GFM1: variants seen among roughly 807,000 people sequenced by gnomAD.
GFM1 encodes elongation factor G, mitochondrial.
Under a neutral mutation model 96.2 loss-of-function variants are expected in GFM1, and 62 were observed. That is an observed-to-expected ratio of 0.64 (90% CI 0.53 to 0.80). GFM1 has a LOEUF of 0.80. Among genes scored for constraint, GFM1 ranks in the 30% least tolerant of loss-of-function variants. The pLI, the probability that GFM1 is intolerant of heterozygous loss-of-function variation, is 0.00. For synonymous variants in GFM1, 282 were observed against 312.9 expected, an observed-to-expected ratio of 0.90 and a Z score of 1.04; for missense variants, 852 against 916.6, an observed-to-expected ratio of 0.93 and a Z score of 0.91.
intron 8 of GFM1, 127 bp downstream of exon 8, chr3:158,654,758 G>A (rs917892110): frequency 5.6e-6 from 4 of 709,168 alleles, no homozygotes; most frequent in Non-Finnish European, 1.0e-5. Flanking sequence ...GAAAGAGCAG[G>A]TAGAGAATTT....
chr3:158,691,594 T>G lies in GFM1; in HGVS notation c.*127T>G, dbSNP rs1726328149. ...CTGAGCCCAGGAAGCGGGCTCTTCT[T>G]TCTTCAAAAGAAGCCCTTCTTGTTC... On this transcript the variant is annotated 3_prime_UTR_variant, in exon 18 of 18. Transcript: ENST00000486715. 4 of 1,023,548 alleles carry G rather than the reference T, an allele frequency of 3.9e-6. No homozygotes were observed. Among genetic ancestry groups the G allele is most frequent in the Non-Finnish European group, 3.0e-6 (2 of 667,184 alleles). The allele number at this position is 1,023,548 out of a possible 1,614,324, so 63.4% of individuals were successfully genotyped here. A position where few individuals can be genotyped will look rare whatever the true frequency, so the allele number is the denominator to read the frequency against.
intron 10 of GFM1, among the ~76,000 whole-genome samples, chr3:158,661,921 C>A (rs952312265): frequency 1.3e-4 from 20 of 152,042 alleles, no homozygotes; most frequent in African/African-American, 4.6e-4. Flanking sequence ...AAACATAAAT[C>A]TATACAATTT....
chr3:158,657,711 A>C (rs1298495173), intron 8 of GFM1, among the ~76,000 whole-genome samples: 8 of 152,106 alleles, frequency 5.3e-5, no homozygotes, highest in Non-Finnish European at 1.2e-4. Context: ...GGTAGGATCT[A>C]AATGTATCTC....
At chr3:158,660,501 GC>G (rs1267389117) in intron 9 of GFM1, 1 of 245,298 alleles carries the variant, frequency 4.1e-6, no homozygotes, top group Non-Finnish European at 8.0e-6. Context: ...ACTCGCCTCG[GC>G]CTCCCAAAGT....
chr3:158,680,405 T>C (rs1433974839), intron 13 of GFM1, among the ~76,000 whole-genome samples: 6 of 152,222 alleles, frequency 3.9e-5, no homozygotes, highest in Non-Finnish European at 7.4e-5. Context: ...TCAGCATTTC[T>C]ATTTAGCTGC....
Position 158,694,935 on chromosome 3 carries a change from G to A in GFM1, c.*3468G>A, listed in dbSNP as rs1397147489. 6.6e-6 allele frequency among the ~76,000 whole-genome samples: 1 copy of A among 152,220 alleles called. No individual in the cohort carries two copies. The highest frequency in any genetic ancestry group is 1.9e-4 in the East Asian group (1 of 5,202). Reference sequence around the variant, plus strand: ...TGTATGTAATTGTAATTAGCTAAGAGTGATTCAGAATAATTTAGACTGTTA... The same window carrying A: ...TGTATGTAATTGTAATTAGCTAAGAATGATTCAGAATAATTTAGACTGTTA... On this transcript the variant is annotated 3_prime_UTR_variant, in exon 18 of 18. Coordinates refer to ENST00000486715, the MANE Select transcript of GFM1 (RefSeq NM_024996.7).
chr3:158,670,819 G>A, intron 13 of GFM1: 1 of 1,231,004 alleles, frequency 8.1e-7, no homozygotes, highest in Admixed American at 4.6e-5. Flanking sequence ...TGTGGTCCCA[G>A]CTATTTGGGG....
intron 15 of GFM1, among the ~76,000 whole-genome samples, chr3:158,688,093 A>G (rs960397683): frequency 4.6e-5 from 7 of 152,156 alleles, no homozygotes; most frequent in African/African-American, 1.4e-4. Context: ...TGGAAGAACA[A>G]TAGTTCAAAT....
rs563082881 is a variant in GFM1, at chr3:158,672,414, T to C, written c.1601+6028T>C. The stretch of plus-strand genomic sequence containing the variant: ...CCTGTGCGGGGTCCCCTGCTGGTAG[T>C]TGATGTAGTTCTGTGCCACCAAGGC... On this transcript the variant is annotated intron_variant, in intron 13 of 17. Coordinates refer to ENST00000486715, the MANE Select transcript of GFM1 (RefSeq NM_024996.7). 3.7e-6 allele frequency: 6 copies of C among 1,614,048 alleles called. No individual in the cohort carries two copies. Among genetic ancestry groups the C allele is most frequent in the South Asian group, 2.2e-5 (2 of 91,074 alleles).
intron 9 of GFM1, 42 bp from the exon 10 acceptor site, chr3:158,660,832 G>C: frequency 6.6e-7 from 1 of 1,520,504 alleles, no homozygotes; most frequent in Non-Finnish European, 9.1e-7. Context: ...ATCTTTATTT[G>C]TATTACTTGC....
chr3:158,662,509 G>T, intron 10 of GFM1, 119 bp from the exon 11 acceptor site: 2 of 711,392 alleles, frequency 2.8e-6, no homozygotes, highest in Non-Finnish European at 5.2e-6. Flanking sequence ...CTAGCCTAAA[G>T]ACATAGGCTA....
rs1412234808 is a variant in GFM1, at chr3:158,646,157, G to A, written c.235-8G>A. ...AGAGAAAGTCTGAATTGCTGTGCTTGTGTTTAGGTGAAAGGTAAAGATGGA... is the reference window on the plus strand; with the variant it reads ...AGAGAAAGTCTGAATTGCTGTGCTTATGTTTAGGTGAAAGGTAAAGATGGA... On this transcript the variant is annotated splice_region_variant and splice_polypyrimidine_tract_variant and intron_variant, in intron 2 of 17. Transcript: ENST00000486715. 2 of 1,614,036 alleles carry A rather than the reference G, an allele frequency of 1.2e-6. No homozygotes were observed. The highest frequency in any genetic ancestry group is 2.7e-5 in the African/African-American group (2 of 74,936).
chr3:158,676,665 A>T (rs1305608633), intron 13 of GFM1, among the ~76,000 whole-genome samples: 1 of 151,322 alleles, frequency 6.6e-6, no homozygotes, highest in African/African-American at 2.4e-5. Flanking sequence ...TGATAACCCC[A>T]TGTGGAACAA....
chr3:158,683,243 A>G (rs56089835), intron 14 of GFM1, among the ~76,000 whole-genome samples: 26,877 of 152,118 alleles, frequency 0.18, 2,449 homozygotes, highest in Non-Finnish European at 0.22. Flanking sequence ...ACTAAGATTA[A>G]TGTAGATGAA....
At chr3:158,659,203 T>C (rs1723001656) in intron 9 of GFM1, 144 bp downstream of exon 9, 1 of 925,906 alleles carries the variant, frequency 1.1e-6, no homozygotes, top group African/African-American at 1.7e-5. Context: ...GTTGTAGCTC[T>C]GATCTAGCAC....
intron 10 of GFM1, 85 bp from the exon 11 acceptor site, chr3:158,662,543 A>G (rs761743469): frequency 2.5e-5 from 20 of 795,630 alleles, no homozygotes; most frequent in Non-Finnish European, 4.1e-5. Flanking sequence ...GTTCTGTTGT[A>G]AAGTGGCACA....
At position 158,684,629 on chromosome 3, in the gene GFM1, ATC is replaced by A. The variant is rs1725679096; in HGVS notation, c.1874_1875del (p.Ser625PhefsTer10). 1 of 1,614,042 alleles carries A rather than the reference ATC, an allele frequency of 6.2e-7. No homozygotes were observed. The highest frequency in any genetic ancestry group is 1.1e-5 in the South Asian group (1 of 91,084). On this transcript the variant is annotated frameshift_variant, in exon 15 of 18. Coordinates refer to ENST00000486715, the MANE Select transcript of GFM1 (RefSeq NM_024996.7). LOFTEE classifies it high-confidence loss of function. ...GAHHMVDSNE[I>X]SFIRAGEGAL... ...ACACCACATGGTTGATTCTAATGAAATCTCTTTCATCCGAGCAGGAGAAGGTG... is the reference window on the plus strand; with the variant it reads ...ACACCACATGGTTGATTCTAATGAAATCTTTCATCCGAGCAGGAGAAGGTG...
intron 13 of GFM1, 134 bp from the exon 14 acceptor site, chr3:158,681,861 A>G (rs1276328990): frequency 1.2e-6 from 1 of 817,568 alleles, no homozygotes; most frequent in Non-Finnish European, 2.0e-6. Context: ...ATTCTACAAT[A>G]AACTTTTATA....
chr3:158,668,201 TA>T (rs1396763472), intron 13 of GFM1, among the ~76,000 whole-genome samples: 1 of 152,210 alleles, frequency 6.6e-6, no homozygotes, highest in African/African-American at 2.4e-5. Flanking sequence ...GTCTCTGACA[TA>T]AAACAGTGTA....
Sources: gnomAD v4.1 joint callset for allele counts (sites outside exome capture counted in the v4.1 genomes callset) on GRCh38, gnomAD v4.1.1 for gene constraint, MANE v1.5 for transcripts, NCBI Gene and HGNC (gene_info 2026-07-23, HGNC 2026-07-21) for gene names.